HEPHL1: variants seen among roughly 807,000 people sequenced by gnomAD.
HEPHL1 encodes the protein ferroxidase HEPHL1.
A neutral mutation model predicts 122.0 loss-of-function variants in HEPHL1; 123 were observed. The observed-to-expected ratio is 1.01, with a 90% CI of 0.87 to 1.17. HEPHL1 has a LOEUF of 1.17. HEPHL1 is among the 50% of genes most tolerant of loss of function. HEPHL1 has a pLI of 0.00. For synonymous variants in HEPHL1, 527 were observed against 508.9 expected (o/e 1.04, Z -0.48); for missense variants, 1,452 against 1,430.5 (o/e 1.01, Z -0.24).
At position 94,075,338 on chromosome 11, in the gene HEPHL1, C is replaced by G. The variant is rs977799372; in HGVS notation, c.1669C>G (p.Pro557Ala). Residue 557 changes from proline to alanine, a missense_variant, in exon 9 of 20, where the codon CCT (proline) becomes GCT (alanine). Transcript: ENST00000315765. ...IKDTSSGLVG[P>A]LLVCKKGVLN... Reference sequence around the variant, plus strand: ...GGACACCAGCTCTGGCCTGGTAGGGCCTTTGCTAGTCTGTAAAAAGGGCGT... The same window carrying G: ...GGACACCAGCTCTGGCCTGGTAGGGGCTTTGCTAGTCTGTAAAAAGGGCGT... 1.9e-6 allele frequency: 3 copies of G among 1,613,354 alleles called. No homozygotes were observed. Among genetic ancestry groups the G allele is most frequent in the Non-Finnish European group, 1.7e-6 (2 of 1,179,596 alleles).
At chr11:94,075,078 T>G in intron 8 of HEPHL1, 96 bp from the exon 9 acceptor site, 4 of 1,003,672 alleles carry the variant, frequency 4.0e-6, no homozygotes, top group Non-Finnish European at 6.0e-6. Flanking sequence ...AAATTCTTCA[T>G]CATCAGAGGG....
chr11:94,111,678 T>C lies in HEPHL1; in HGVS notation c.3278-14T>C. Reference sequence around the variant, plus strand: ...AAAAATGTCAGGGGCCTGACAAGTTTATCTTTTTCACAGAACGACCTGGCA... The same window carrying C: ...AAAAATGTCAGGGGCCTGACAAGTTCATCTTTTTCACAGAACGACCTGGCA... On this transcript the variant is annotated splice_polypyrimidine_tract_variant and intron_variant, in intron 19 of 19. Coordinates refer to ENST00000315765, the MANE Select transcript of HEPHL1 (RefSeq NM_001098672.2). 6.2e-7 allele frequency: 1 copy of C among 1,613,082 alleles called. No individual in the cohort carries two copies. Among genetic ancestry groups the C allele is most frequent in the Non-Finnish European group, 8.5e-7 (1 of 1,179,380 alleles).
At chr11:94,024,629 T>C (rs2945633) in intron 1 of HEPHL1, among the ~76,000 whole-genome samples, 37,385 of 151,996 alleles carry the variant, frequency 0.25, 5,111 homozygotes, top group East Asian at 0.36. Context: ...ACTTCATACA[T>C]GAAGCTTTCC....
Position 94,112,519 on chromosome 11 carries a change from T to C in HEPHL1, c.*625T>C, listed in dbSNP as rs979160774. ...GTGCTTGTTTTAAAAAGCAAAGTTA[T>C]ACGTTTTTTAAAAAATTGCTGCTGT... On this transcript the variant is annotated 3_prime_UTR_variant, in exon 20 of 20. Coordinates refer to ENST00000315765, the MANE Select transcript of HEPHL1 (RefSeq NM_001098672.2). 3 of 152,274 alleles carry C rather than the reference T, an allele frequency of 2.0e-5. No individual in the cohort carries two copies. The highest frequency in any genetic ancestry group is 2.9e-5 in the Non-Finnish European group (2 of 68,046). 9.4% of individuals were successfully genotyped at this position (152,274 alleles called of 1,614,324 possible). A position where few individuals can be genotyped will look rare whatever the true frequency, so the allele number is the denominator to read the frequency against.
chr11:94,077,077 CTCTT>C (rs1416278494), intron 9 of HEPHL1, among the ~76,000 whole-genome samples: 1 of 152,154 alleles, frequency 6.6e-6, no homozygotes, highest in Non-Finnish European at 1.5e-5. Context: ...ATTATTATCT[CTCTT>C]TGTTTTTATG....
rs887268412 is a variant in HEPHL1, at chr11:94,103,194, G to T, written c.2682+174G>T. ...ATGCTGGACGTTTACATTGTCAATG[G>T]TTGACTTGAGTAGCTGCAACAGAGA... On this transcript the variant is annotated intron_variant, in intron 15 of 19. Transcript: ENST00000315765. Among the ~76,000 whole-genome samples the T allele has an allele frequency of 2.0e-5, 3 of 148,992 alleles. No individual in the cohort carries two copies. The Admixed American group carries it at 2.0e-4, about 10-fold the overall frequency.
At chr11:94,099,731 C>T (rs1439962149) in intron 13 of HEPHL1, among the ~76,000 whole-genome samples, 7 of 152,146 alleles carry the variant, frequency 4.6e-5, no homozygotes, top group African/African-American at 1.7e-4. Flanking sequence ...CCTCCCCCAG[C>T]CTCACTGCCA....
chr11:94,088,930 G>T lies in HEPHL1; in HGVS notation c.2256G>T (p.Trp752Cys), dbSNP rs752466017. 2.5e-6 allele frequency: 4 copies of T among 1,613,978 alleles called. No homozygotes were observed. In the East Asian group the frequency reaches 6.7e-5, roughly 27 times the overall value. The change falls in exon 12 of 20, where the codon TGG (tryptophan) becomes TGT (cysteine). Residue 752 changes from tryptophan (W) to cysteine (C), a missense_variant. Physicochemically the swap from Trp to Cys is radical, Grantham distance 215. Transcript: ENST00000315765. ...VEWDYAPNKN[W>C]EFEKQHVDAR... is the part of the protein sequence containing the mutation. ...GGGATTATGCCCCTAACAAAAACTG[G>T]GAGTTCGAAAAGCAGCACGTGGACG...
chr11:94,063,843 A>G (rs1946009702), intron 3 of HEPHL1, 123 bp downstream of exon 3: 1 of 768,902 alleles, frequency 1.3e-6, no homozygotes, highest in Non-Finnish European at 2.2e-6. Context: ...AGAAATTCTG[A>G]CATGGAAGAT....
chr11:94,113,373 T>C lies in HEPHL1; in HGVS notation c.*1479T>C, dbSNP rs1384683876. ...ATTCTGGTGGAGGGACCTTTCACAC[T>C]GTCTCATCTTCATCTTCATGAGGGG... On this transcript the variant is annotated 3_prime_UTR_variant, in exon 20 of 20. Transcript: ENST00000315765. 2.0e-5 allele frequency: 3 copies of C among 152,248 alleles called. No individual in the cohort carries two copies. Among genetic ancestry groups the C allele is most frequent in the African/African-American group, 7.2e-5 (3 of 41,462 alleles). 9.4% of individuals were successfully genotyped at this position (152,248 alleles called of 1,614,324 possible). A position where few individuals can be genotyped will look rare whatever the true frequency, so the allele number is the denominator to read the frequency against.
chr11:94,067,630 A>C lies in HEPHL1; in HGVS notation c.943A>C (p.Ser315Arg), dbSNP rs1946044903. 1.2e-6 allele frequency: 2 copies of C among 1,613,742 alleles called. No homozygotes were observed. Among genetic ancestry groups the C allele is most frequent in the Non-Finnish European group, 1.7e-6 (2 of 1,179,774 alleles). Residue 315 changes from serine to arginine, a missense_variant, in exon 5 of 20, where the codon AGC becomes CGC. Coordinates refer to ENST00000315765, the MANE Select transcript of HEPHL1 (RefSeq NM_001098672.2). ...SIYFYGNTFI[S>R]RGHRTDVVNL... ...CTATTTCTATGGTAACACCTTCATC[A>C]GCAGAGGGCATCGGACTGATGTCGT...
intron 9 of HEPHL1, among the ~76,000 whole-genome samples, chr11:94,079,849 G>A (rs1029159553): frequency 2.6e-5 from 4 of 152,204 alleles, no homozygotes; most frequent in African/African-American, 9.7e-5. Flanking sequence ...GCAGCAGGAT[G>A]AAGGTGGCTT....
intron 2 of HEPHL1, among the ~76,000 whole-genome samples, chr11:94,062,034 G>A (rs1168344936): frequency 6.6e-6 from 1 of 151,876 alleles, no homozygotes; most frequent in African/African-American, 2.4e-5. Flanking sequence ...TAATATGAAT[G>A]GGCTGTAACT....
At chr11:94,093,971 G>GATAGATATATATATATATATATAT (rs71036310) in intron 13 of HEPHL1, among the ~76,000 whole-genome samples, 4 of 72,764 alleles carry the variant, frequency 5.5e-5, no homozygotes, top group Non-Finnish European at 8.5e-5. Flanking sequence ...TCCTCCAGCA[G>GATAGATATATATATATATATATAT]ATATATATAT....
At chr11:94,053,215 C>T (rs567806727) in intron 2 of HEPHL1, among the ~76,000 whole-genome samples, 8 of 151,948 alleles carry the variant, frequency 5.3e-5, no homozygotes, top group Non-Finnish European at 7.4e-5. Context: ...CCTAGAAATT[C>T]GTGTGTTTCA....
At chr11:94,036,961 G>T (rs1047143326) in intron 1 of HEPHL1, among the ~76,000 whole-genome samples, 3 of 152,186 alleles carry the variant, frequency 2.0e-5, no homozygotes, top group African/African-American at 4.8e-5. Context: ...GAGGTACAGG[G>T]TTCATCTCAC....
In HEPHL1 at chr11:94,034,916, T is replaced by C. The variant is rs369671368; in HGVS notation, c.171-10757T>C. ...GAGCAGAAGCAGATGAGAAAAATCA[T>C]GTGGGCAGGTATGATGAAAAGGAAT... On this transcript the variant is annotated intron_variant, in intron 1 of 19. Transcript: ENST00000315765. Among the ~76,000 whole-genome samples the C allele has an allele frequency of 4.6e-5, 7 of 152,324 alleles. No homozygotes were observed. The East Asian group carries it at 7.7e-4, about 17-fold the overall frequency.
At chr11:94,104,336 C>T (rs370148775) in intron 15 of HEPHL1, among the ~76,000 whole-genome samples, 192 bp from the exon 16 acceptor site, 30 of 151,942 alleles carry the variant, frequency 2.0e-4, no homozygotes, top group African/African-American at 5.1e-4. Context: ...CTTCTAGATA[C>T]GGGAGTATAA....
chr11:94,094,313 A>G (rs1172144101), intron 13 of HEPHL1, among the ~76,000 whole-genome samples: 1 of 151,936 alleles, frequency 6.6e-6, no homozygotes, highest in Non-Finnish European at 1.5e-5. Flanking sequence ...CTATGTCCCT[A>G]CAAAGGACAT....
Sources: gnomAD v4.1 joint callset for allele counts (sites outside exome capture counted in the v4.1 genomes callset) on GRCh38, gnomAD v4.1.1 for gene constraint, MANE v1.5 for transcripts, NCBI Gene and HGNC (gene_info 2026-07-23, HGNC 2026-07-21) for gene names.